The following GALNT13 variants were observed in gnomAD, a reference collection of about 807,000 sequenced individuals.
GALNT13 encodes the protein UDP-GalNAc:polypeptide N-acetylgalactosaminyltransferase 13.
Under a neutral mutation model 64.2 loss-of-function variants are expected in GALNT13, and 28 were observed. That is an observed-to-expected ratio of 0.44 (90% CI 0.32 to 0.60). The LOEUF is 0.60. Ranked by LOEUF, GALNT13 falls within the 20% of genes least tolerant of loss-of-function variation. The pLI is 0.05. For synonymous variants in GALNT13, 214 were observed against 224.6 expected, an observed-to-expected ratio of 0.95 and a Z score of 0.42; for missense variants, 577 against 669.8, an observed-to-expected ratio of 0.86 and a Z score of 1.53.
the GALNT13 span, among the ~76,000 whole-genome samples, chr2:153,507,694 G>C: frequency 6.6e-6 from 1 of 152,120 alleles, no homozygotes; most frequent in African/African-American, 2.4e-5. Flanking sequence ...ATCTTGGTTT[G>C]GATTCATTGC....
intron 4 of GALNT13, among the ~76,000 whole-genome samples, chr2:154,169,374 T>TATC (rs1685226548): frequency 6.6e-6 from 1 of 152,210 alleles, no homozygotes; most frequent in Admixed American, 6.5e-5. Flanking sequence ...GATTTTAAGC[T>TATC]ATCAACTTCA....
the GALNT13 span, among the ~76,000 whole-genome samples, chr2:153,118,833 A>C: frequency 1.3e-5 from 2 of 152,178 alleles, no homozygotes; most frequent in African/African-American, 4.8e-5. Flanking sequence ...ATTGAAGTAC[A>C]GAGAGGTTAA....
chr2:153,163,218 A>T, the GALNT13 span, among the ~76,000 whole-genome samples: 1 of 152,140 alleles, frequency 6.6e-6, no homozygotes. Context: ...AGCCAAGTGC[A>T]TGGTGAGACA....
chr2:153,106,097 T>C, the GALNT13 span, among the ~76,000 whole-genome samples: 2 of 152,010 alleles, frequency 1.3e-5, no homozygotes, highest in African/African-American at 4.8e-5. Flanking sequence ...CTCAGAAGGG[T>C]TAATTAAATA....
chr2:153,875,453 G>T (rs1337077345), intron 1 of GALNT13, among the ~76,000 whole-genome samples: 1 of 152,112 alleles, frequency 6.6e-6, no homozygotes, highest in Non-Finnish European at 1.5e-5. Flanking sequence ...TTTAACTTAT[G>T]CATCTAACTT....
intron 9 of GALNT13, among the ~76,000 whole-genome samples, chr2:154,354,996 AAT>A (rs1215423262): frequency 6.6e-6 from 1 of 152,048 alleles, no homozygotes; most frequent in Non-Finnish European, 1.5e-5. Context: ...CCCAGTCAGA[AAT>A]TAGATTCAGT....
At chr2:154,129,722 G>T (rs1682500779) in intron 3 of GALNT13, among the ~76,000 whole-genome samples, 1 of 151,816 alleles carries the variant, frequency 6.6e-6, no homozygotes, top group South Asian at 2.1e-4. Flanking sequence ...GAGTTAAAGT[G>T]ATACCTATGT....
At chr2:153,347,942 G>C in the GALNT13 span, among the ~76,000 whole-genome samples, 1 of 152,056 alleles carries the variant, frequency 6.6e-6, no homozygotes, top group Non-Finnish European at 1.5e-5. Flanking sequence ...TTTCCTTTTT[G>C]GTGACCTGGA....
At chr2:153,661,500 C>G in the GALNT13 span, among the ~76,000 whole-genome samples, 13 of 152,044 alleles carry the variant, frequency 8.6e-5, no homozygotes, top group Non-Finnish European at 1.8e-4. Context: ...TGAAAGCATA[C>G]TAATTGTAAG....
chr2:153,720,957 A>G, the GALNT13 span, among the ~76,000 whole-genome samples: 1 of 152,140 alleles, frequency 6.6e-6, no homozygotes, highest in African/African-American at 2.4e-5. Flanking sequence ...GGAAATACAG[A>G]GAACGCCACA....
the GALNT13 span, among the ~76,000 whole-genome samples, chr2:153,082,072 G>A: frequency 2.6e-5 from 4 of 152,084 alleles, no homozygotes; most frequent in Non-Finnish European, 4.4e-5. Flanking sequence ...TTTTAACTGG[G>A]GCAAGATAAT....
the GALNT13 span, among the ~76,000 whole-genome samples, chr2:153,547,962 C>T: frequency 1.3e-5 from 2 of 152,124 alleles, no homozygotes; most frequent in African/African-American, 4.8e-5. Flanking sequence ...GCTTGGAAAG[C>T]ACTTGGCATA....
the GALNT13 span, among the ~76,000 whole-genome samples, chr2:153,534,899 G>C: frequency 2.6e-5 from 4 of 152,116 alleles, no homozygotes; most frequent in Admixed American, 1.3e-4. Context: ...GGGTGTATAC[G>C]TGCAAGTCAC....
chr2:154,344,727 C>T (rs927888452), intron 9 of GALNT13, among the ~76,000 whole-genome samples: 8 of 152,058 alleles, frequency 5.3e-5, no homozygotes, highest in Admixed American at 3.3e-4. Context: ...TCTAAATTCT[C>T]TTATTTCTAG....
At chr2:154,421,939 A>T (rs1574276546) in intron 11 of GALNT13, among the ~76,000 whole-genome samples, 1 of 152,104 alleles carries the variant, frequency 6.6e-6, no homozygotes, top group African/African-American at 2.4e-5. Context: ...ATAATGCTCT[A>T]CAGGAGGCAT....
intron 9 of GALNT13, among the ~76,000 whole-genome samples, chr2:154,337,580 C>T (rs144828757): frequency 3.9e-4 from 59 of 152,064 alleles, no homozygotes; most frequent in African/African-American, 1.3e-3. Flanking sequence ...TAGTGCTTAG[C>T]ATTTCAGCTT....
At chr2:154,372,165 G>A (rs1697729316) in intron 9 of GALNT13, among the ~76,000 whole-genome samples, 1 of 152,090 alleles carries the variant, frequency 6.6e-6, no homozygotes, top group African/African-American at 2.4e-5. Flanking sequence ...TTGTAAAGAA[G>A]TTACCTGGAT....
the GALNT13 span, among the ~76,000 whole-genome samples, chr2:153,198,862 T>C: frequency 1.3e-5 from 2 of 152,196 alleles, no homozygotes; most frequent in African/African-American, 4.8e-5. Context: ...TGCCCTTTGA[T>C]CTAAGCAAGC....
At chr2:153,721,898 C>G in the GALNT13 span, among the ~76,000 whole-genome samples, 1 of 150,766 alleles carries the variant, frequency 6.6e-6, no homozygotes, top group Non-Finnish European at 1.5e-5. Context: ...TACAGATCAA[C>G]GAGACAGAAA....
Sources: allele counts gnomAD v4.1 joint callset (sites outside exome capture counted in the v4.1 genomes callset), GRCh38; gene constraint gnomAD v4.1.1; transcripts MANE v1.5; gene names NCBI Gene and HGNC (gene_info 2026-07-23, HGNC 2026-07-21).